SNAPC3: variants seen among roughly 807,000 people sequenced by gnomAD.
The protein encoded by SNAPC3 is snRNA-activating protein complex subunit 3.
Under a neutral mutation model 47.7 loss-of-function variants are expected in SNAPC3, and 56 were observed. That is an observed-to-expected ratio of 1.18 (90% CI 0.95 to 1.47). The LOEUF is 1.47. Ranked by LOEUF, SNAPC3 falls within the 40% of genes most tolerant of loss-of-function variation. SNAPC3 has a pLI of 0.00. For synonymous variants in SNAPC3, 235 were observed against 189.9 expected, an observed-to-expected ratio of 1.24 and a Z score of -1.95; for missense variants, 665 against 511.3, an observed-to-expected ratio of 1.30 and a Z score of -2.90.
intron 3 of SNAPC3, among the ~76,000 whole-genome samples, chr9:15,434,324 C>T (rs900331628): frequency 1.3e-5 from 2 of 152,048 alleles, no homozygotes; most frequent in African/African-American, 4.8e-5. Context: ...CCCTGCTAAC[C>T]TCTATTCTAC....
chr9:15,444,555 A>T, intron 3 of SNAPC3, 47 bp from the exon 4 acceptor site: 1 of 1,221,844 alleles, frequency 8.2e-7, no homozygotes, highest in Non-Finnish European at 1.2e-6. Context: ...ACTGCATCTT[A>T]TCTGAGTTAT....
At chr9:15,436,255 T>G (rs557990642) in intron 3 of SNAPC3, among the ~76,000 whole-genome samples, 1 of 152,256 alleles carries the variant, frequency 6.6e-6, no homozygotes, top group African/African-American at 2.4e-5. Flanking sequence ...CTTAAAACAT[T>G]GCCAGATGCA....
intron 3 of SNAPC3, among the ~76,000 whole-genome samples, chr9:15,442,827 A>G (rs1374866347): frequency 6.6e-6 from 1 of 152,056 alleles, no homozygotes; most frequent in Non-Finnish European, 1.5e-5. Context: ...GGCGGCTGGG[A>G]GGTGGAGGTT....
At chr9:15,441,982 G>A (rs563241125) in intron 3 of SNAPC3, among the ~76,000 whole-genome samples, 84 of 151,978 alleles carry the variant, frequency 5.5e-4, no homozygotes, top group Middle Eastern at 3.4e-3. Context: ...AGGCAGAGGC[G>A]CCCCCCCACC....
intron 2 of SNAPC3, among the ~76,000 whole-genome samples, chr9:15,426,062 G>C (rs1443214748): frequency 6.6e-6 from 1 of 152,126 alleles, no homozygotes; most frequent in African/African-American, 2.4e-5. Flanking sequence ...TCTCCATGTT[G>C]GTCAGGCTCC....
chr9:15,453,275 A>G lies in SNAPC3; in HGVS notation c.980+70A>G, dbSNP rs560454794. Reference sequence around the variant, plus strand: ...TATTTCAGAGTACAAAACCAGAGATAGTTTTTTTAAAAATAAGAGGAGTAA... The same window carrying G: ...TATTTCAGAGTACAAAACCAGAGATGGTTTTTTTAAAAATAAGAGGAGTAA... On this transcript the variant is annotated intron_variant, in intron 7 of 8. Coordinates refer to ENST00000380821, the MANE Select transcript of SNAPC3 (RefSeq NM_001039697.2). 4.7e-6 allele frequency: 6 copies of G among 1,263,886 alleles called. No homozygotes were observed. In the African/African-American group the frequency reaches 9.1e-5, roughly 19 times the overall value. 78.3% of individuals were successfully genotyped at this position (1,263,886 alleles called of 1,614,324 possible).
chr9:15,430,686 G>A (rs1324121845), intron 2 of SNAPC3, among the ~76,000 whole-genome samples: 1 of 152,084 alleles, frequency 6.6e-6, no homozygotes, highest in East Asian at 1.9e-4. Flanking sequence ...TTGCAGTATT[G>A]TTTGTAATTG....
rs572827764 is a variant in SNAPC3 at position 15,442,506 on chromosome 9, G to A, written c.478-2096G>A. Among the ~76,000 whole-genome samples the A allele has an allele frequency of 5.3e-5, 8 of 151,772 alleles. No individual in the cohort carries two copies. The East Asian group carries it at 1.6e-3, about 30-fold the overall frequency. On this transcript the variant is annotated intron_variant, in intron 3 of 8. Coordinates refer to ENST00000380821, the MANE Select transcript of SNAPC3 (RefSeq NM_001039697.2). ...CTCACTTCTCAGACCGGGCGGCTGG[G>A]CGGAGACGCTCCTCACCTCCCAGAT...
intron 2 of SNAPC3, among the ~76,000 whole-genome samples, chr9:15,427,728 T>C (rs778122063): frequency 2.0e-5 from 3 of 152,182 alleles, no homozygotes; most frequent in Non-Finnish European, 4.4e-5. Flanking sequence ...AAGAAAGCAC[T>C]GTTTACAGGT....
chr9:15,432,610 C>G (rs777845163), intron 2 of SNAPC3, among the ~76,000 whole-genome samples: 1 of 152,046 alleles, frequency 6.6e-6, no homozygotes, highest in Admixed American at 6.6e-5. Context: ...CCAATTTGAA[C>G]AACAAAATAG....
At chr9:15,438,772 T>C (rs1563844388) in intron 3 of SNAPC3, among the ~76,000 whole-genome samples, 2 of 152,214 alleles carry the variant, frequency 1.3e-5, no homozygotes, top group Non-Finnish European at 1.5e-5. Flanking sequence ...GATTTGTTGG[T>C]GTATCCTGGA....
chr9:15,456,658 G>A (rs1161312505), intron 7 of SNAPC3, among the ~76,000 whole-genome samples: 1 of 151,970 alleles, frequency 6.6e-6, no homozygotes, highest in African/African-American at 2.4e-5. Context: ...TGTAGAGACA[G>A]GGTCTCACTT....
intron 5 of SNAPC3, among the ~76,000 whole-genome samples, chr9:15,449,890 A>G (rs1258379374): frequency 6.6e-6 from 1 of 152,066 alleles, no homozygotes; most frequent in African/African-American, 2.4e-5. Context: ...TTTGATTTAA[A>G]TGGAAAACAT....
At chr9:15,456,010 G>C (rs1237595112) in intron 7 of SNAPC3, among the ~76,000 whole-genome samples, 1 of 152,204 alleles carries the variant, frequency 6.6e-6, no homozygotes, top group Non-Finnish European at 1.5e-5. Flanking sequence ...GAGTAGCTGG[G>C]ATTACAGGCA....
intron 2 of SNAPC3, among the ~76,000 whole-genome samples, chr9:15,432,479 T>C (rs368443667): frequency 5.9e-5 from 9 of 152,046 alleles, no homozygotes; most frequent in East Asian, 1.9e-4. Context: ...AAGAAAAATA[T>C]AGGATGGGCC....
At chr9:15,432,464 G>A (rs573775778) in intron 2 of SNAPC3, among the ~76,000 whole-genome samples, 2 of 152,058 alleles carry the variant, frequency 1.3e-5, no homozygotes, top group Non-Finnish European at 2.9e-5. Flanking sequence ...TTCCGGGGAC[G>A]AGACAAGAAA....
At chr9:15,463,437 C>T (rs1458420989), downstream of SNAPC3, 1 of 132,726 alleles carries the variant, frequency 7.5e-6, no homozygotes, top group Non-Finnish European at 1.5e-5. Context: ...CGTACATACA[C>T]ACACATACCA....
rs574517848 is a variant in SNAPC3 at position 15,456,178 on chromosome 9, T to G, written c.981-1782T>G. ...CGTGAGCCACCATGCCAGGCCTAAT[T>G]TTTGTATTTTTAGTAGAGACGGGGT... On this transcript the variant is annotated intron_variant, in intron 7 of 8. Coordinates refer to ENST00000380821, the MANE Select transcript of SNAPC3 (RefSeq NM_001039697.2). Among the ~76,000 whole-genome samples, 534 of 144,186 alleles carry G rather than the reference T, an allele frequency of 3.7e-3. 4 individuals carry two copies. The highest frequency in any genetic ancestry group is 4.4e-3 in the Non-Finnish European group (291 of 65,592). The allele number at this position is 144,186 out of a possible 152,430, so 94.6% of individuals were successfully genotyped here.
downstream of SNAPC3, chr9:15,466,605 G>A (rs1424232359): frequency 5.1e-5 from 31 of 608,570 alleles, no homozygotes; most frequent in Non-Finnish European, 7.2e-5. Context: ...CTTCCTTTTT[G>A]AATTGTAACT....
Sources: allele counts gnomAD v4.1 joint callset (sites outside exome capture counted in the v4.1 genomes callset), GRCh38; gene constraint gnomAD v4.1.1; transcripts MANE v1.5; gene names NCBI Gene and HGNC (gene_info 2026-07-23, HGNC 2026-07-21).